The following CAPRIN1 variants were observed in gnomAD, a reference collection of about 807,000 sequenced individuals.
CAPRIN1 encodes the protein cell cycle associated protein 1, also known as caprin-1.
In CAPRIN1, 29 loss-of-function variants were observed where a neutral mutation model predicts 100.9. The ratio of observed to expected loss-of-function variants is 0.29; its 90% CI spans 0.21 to 0.39. The LOEUF is 0.39. Among genes scored for constraint, CAPRIN1 ranks in the 10% least tolerant of loss-of-function variants. The probability of loss-of-function intolerance (pLI) is 1.00; values close to 1 mark genes in which losing one functional copy is unlikely to be tolerated. For synonymous variants in CAPRIN1, 338 were observed against 307.5 expected, an observed-to-expected ratio of 1.10 and a Z score of -1.04; for missense variants, 795 against 876.7, an observed-to-expected ratio of 0.91 and a Z score of 1.18.
At chr11:34,057,812 A>G (rs1258444414) in intron 2 of CAPRIN1, among the ~76,000 whole-genome samples, 1 of 151,954 alleles carries the variant, frequency 6.6e-6, no homozygotes, top group Non-Finnish European at 1.5e-5. Context: ...TCCCCCTCCC[A>G]GGTTCAAGCT....
At chr11:34,068,582 T>C (rs1590727263) in intron 2 of CAPRIN1, among the ~76,000 whole-genome samples, 1 of 152,312 alleles carries the variant, frequency 6.6e-6, no homozygotes, top group South Asian at 2.1e-4. Context: ...ATAGTATAGG[T>C]TCATAATTAA....
At chr11:34,096,211 A>T (rs1361330140) in intron 15 of CAPRIN1, 1 of 278,330 alleles carries the variant, frequency 3.6e-6, no homozygotes, top group African/African-American at 2.2e-5. Context: ...TAGCCTTTCA[A>T]ATAATTTGTT....
chr11:34,067,957 A>T (rs573292489), intron 2 of CAPRIN1, among the ~76,000 whole-genome samples: 5 of 152,296 alleles, frequency 3.3e-5, no homozygotes, highest in Admixed American at 6.5e-5. Flanking sequence ...ATTGCCGTGT[A>T]ACAGATTAAT....
intron 2 of CAPRIN1, among the ~76,000 whole-genome samples, chr11:34,060,272 CTTA>C (rs987975437): frequency 8.8e-5 from 13 of 146,970 alleles, no homozygotes; most frequent in African/African-American, 2.8e-4. Flanking sequence ...ACAGATAATT[CTTA>C]TTATTAGAAC....
chr11:34,058,762 C>T (rs1850509776), intron 2 of CAPRIN1, among the ~76,000 whole-genome samples: 1 of 151,942 alleles, frequency 6.6e-6, no homozygotes, highest in Admixed American at 6.6e-5. Context: ...AGTTAAAACT[C>T]TGAAGTTTTT....
chr11:34,100,317 T>C lies in CAPRIN1; in HGVS notation c.*950T>C, dbSNP rs1423514669. ...CATAACACTCTCGGTCACATGTTTT[T>C]CCTTCAGCTTGAAAGCTTTTTTTTA... is the stretch of plus-strand genomic sequence containing the variant. On this transcript the variant is annotated 3_prime_UTR_variant, in exon 19 of 19. Transcript: ENST00000341394. The C allele has an allele frequency of 3.3e-5, 5 of 152,172 alleles. No homozygotes were observed. Among genetic ancestry groups the C allele is most frequent in the African/African-American group, 1.2e-4 (5 of 41,456 alleles). The allele number at this position is 152,172 out of a possible 1,614,324, so 9.4% of individuals were successfully genotyped here.
chr11:34,084,287 C>G (rs1851093632), intron 9 of CAPRIN1, among the ~76,000 whole-genome samples: 2 of 152,034 alleles, frequency 1.3e-5, no homozygotes, highest in African/African-American at 4.8e-5. Context: ...CAACTTCATC[C>G]CTCTGTTGGA....
intron 2 of CAPRIN1, among the ~76,000 whole-genome samples, chr11:34,060,105 AGAATTGCTT>A (rs1190993043): frequency 3.4e-5 from 5 of 148,776 alleles, no homozygotes; most frequent in Non-Finnish European, 7.4e-5. Flanking sequence ...CCGAGACAGG[AGAATTGCTT>A]GAACCTGGGA....
At chr11:34,096,889 A>T (rs565311738) in intron 16 of CAPRIN1, among the ~76,000 whole-genome samples, 14 of 152,172 alleles carry the variant, frequency 9.2e-5, no homozygotes, top group African/African-American at 2.9e-4. Context: ...GGTTATGTCA[A>T]ATTAATGTCT....
rs1013354273 is a variant in CAPRIN1, at chr11:34,052,786, A to T, written c.216+150A>T. The T allele has an allele frequency of 3.5e-6, 5 of 1,431,798 alleles. No homozygotes were observed. In the Admixed American group the frequency reaches 1.4e-4, roughly 40 times the overall value. 88.7% of individuals were successfully genotyped at this position (1,431,798 alleles called of 1,614,324 possible). A position where few individuals can be genotyped will look rare whatever the true frequency, so the allele number is the denominator to read the frequency against. On this transcript the variant is annotated intron_variant, in intron 2 of 18. Coordinates refer to ENST00000341394, the MANE Select transcript of CAPRIN1 (RefSeq NM_005898.5). ...CCCCTGGCCCACACGCCCCGTCTCC[A>T]CGTTCAGCGGGAGCTTCGTGCCCAG... is the stretch of plus-strand genomic sequence containing the variant.
At chr11:34,095,721 A>G (rs191471441) in intron 15 of CAPRIN1, 7 of 152,300 alleles carry the variant, frequency 4.6e-5, no homozygotes, top group Admixed American at 4.6e-4. Flanking sequence ...TCTTTGAATT[A>G]TAAACATTGT....
rs1284159761 is a variant in CAPRIN1, at chr11:34,100,584, A to G, written c.*1217A>G. On this transcript the variant is annotated 3_prime_UTR_variant, in exon 19 of 19. Transcript: ENST00000341394. ...ATGCCACGTTAGTGTCACAAATTTT[A>G]TGGTTTATCTCCAGCAACATTTCTC... 1 of 152,154 alleles carries G rather than the reference A, an allele frequency of 6.6e-6. No individual in the cohort carries two copies. The highest frequency in any genetic ancestry group is 1.5e-5 in the Non-Finnish European group (1 of 68,006). The allele number at this position is 152,154 out of a possible 1,614,324, so 9.4% of individuals were successfully genotyped here.
At chr11:34,086,244 G>A in intron 10 of CAPRIN1, 25 bp downstream of exon 10, 1 of 1,610,786 alleles carries the variant, frequency 6.2e-7, no homozygotes, top group Non-Finnish European at 8.5e-7. Flanking sequence ...GTCAGACTCT[G>A]TAACAGAAAG....
chr11:34,076,342 A>C lies in CAPRIN1; in HGVS notation c.473A>C (p.Lys158Thr). 6.2e-7 allele frequency: 1 copy of C among 1,614,210 alleles called. No individual in the cohort carries two copies. Among genetic ancestry groups the C allele is most frequent in the Non-Finnish European group, 8.5e-7 (1 of 1,180,012 alleles). ...CTTGAGCTACAGTATGTTTTGGACA[A>C]ATTGGGAGATGATGAAGTGCGGACT... is the stretch of plus-strand genomic sequence containing the variant. ...TVLELQYVLD[K>T]LGDDEVRTDL... Residue 158 changes from lysine (K) to threonine (T), a missense_variant, in exon 5 of 19, where the codon AAA (lysine) becomes ACA (threonine). Lys to Thr is a moderately conservative substitution (Grantham distance 78, BLOSUM62 -1). Coordinates refer to ENST00000341394, the MANE Select transcript of CAPRIN1 (RefSeq NM_005898.5).
At chr11:34,056,284 ATG>A (rs1356362416) in intron 2 of CAPRIN1, among the ~76,000 whole-genome samples, 1 of 150,760 alleles carries the variant, frequency 6.6e-6, no homozygotes, top group Non-Finnish European at 1.5e-5. Flanking sequence ...GACTATGGAT[ATG>A]TAGTATTGCT....
intron 9 of CAPRIN1, among the ~76,000 whole-genome samples, chr11:34,085,118 T>C (rs1851112593): frequency 6.6e-6 from 1 of 152,214 alleles, no homozygotes; most frequent in Non-Finnish European, 1.5e-5. Flanking sequence ...GTATGACTTG[T>C]CCAGTTTTAA....
intron 2 of CAPRIN1, 41 bp downstream of exon 2, chr11:34,052,677 G>C: frequency 6.4e-7 from 1 of 1,553,162 alleles, no homozygotes; most frequent in Non-Finnish European, 8.8e-7. Flanking sequence ...GGCTGCGGCC[G>C]GGCTCTGCGG....
intron 1 of CAPRIN1, chr11:34,052,080 C>G (rs928648807): frequency 2.6e-5 from 4 of 151,418 alleles, no homozygotes; most frequent in Non-Finnish European, 5.9e-5. Context: ...CCGGCCCTCC[C>G]CGGTAGGGAC....
intron 12 of CAPRIN1, 35 bp from the exon 13 acceptor site, chr11:34,090,144 C>A: frequency 2.2e-6 from 3 of 1,371,308 alleles, no homozygotes; most frequent in Non-Finnish European, 3.1e-6. Context: ...ATTTTGTAAG[C>A]AGGAAGAAGC....
Sources: allele counts gnomAD v4.1 joint callset (sites outside exome capture counted in the v4.1 genomes callset), GRCh38; gene constraint gnomAD v4.1.1; transcripts MANE v1.5; gene names NCBI Gene and HGNC (gene_info 2026-07-23, HGNC 2026-07-21).